Variants in WWOX observed in about 807,000 individuals in gnomAD.
WWOX encodes the protein WW domain-containing oxidoreductase.
A neutral mutation model predicts 46.2 loss-of-function variants in WWOX; 69 were observed. The ratio of observed to expected loss-of-function variants is 1.49; its 90% CI spans 1.23 to 1.82. The LOEUF is 1.82. Among genes scored for constraint, WWOX ranks in the 40% most tolerant of loss-of-function variants. The pLI is 0.00. For missense variants in WWOX, 919 were observed against 542.6 expected (o/e 1.69, Z -6.89); for synonymous variants, 359 against 202.6 (o/e 1.77, Z -6.56).
intron 5 of WWOX, chr16:78,167,546 C>T (rs1170213938): frequency 6.6e-6 from 1 of 152,172 alleles, no homozygotes; most frequent in African/African-American, 2.4e-5. Context: ...ATACACGTGG[C>T]TCCAGATGTT....
intron 5 of WWOX, among the ~76,000 whole-genome samples, chr16:78,289,555 G>T (rs897076926): frequency 1.3e-5 from 2 of 152,178 alleles, no homozygotes; most frequent in Non-Finnish European, 2.9e-5. Flanking sequence ...CCAACAATCG[G>T]TTCCGCTGTC....
rs762504187 is a variant in WWOX, at chr16:78,288,180, TA to T, written c.517-98677del. Among the ~76,000 whole-genome samples the T allele has an allele frequency of 4.6e-5, 7 of 152,182 alleles. No homozygotes were observed. The South Asian group carries it at 8.3e-4, about 18-fold the overall frequency. ...TTTAAATGAAAAACGGAAACACTTT[TA>T]AATTTTTATTTAATATGGCCGGTGA... On this transcript the variant is annotated intron_variant, in intron 5 of 8. Transcript: ENST00000566780.
intron 8 of WWOX, among the ~76,000 whole-genome samples, chr16:79,034,751 C>G (rs775582469): frequency 6.6e-6 from 1 of 151,992 alleles, no homozygotes; most frequent in African/African-American, 2.4e-5. Flanking sequence ...CTGCCGTGCT[C>G]AAAGCACTTG....
intron 8 of WWOX, among the ~76,000 whole-genome samples, chr16:78,964,111 T>G (rs2046322385): frequency 6.6e-6 from 1 of 152,158 alleles, no homozygotes; most frequent in African/African-American, 2.4e-5. Flanking sequence ...AGTGTGAAAA[T>G]GGACTAATAC....
At chr16:78,648,133 A>C (rs1354737938) in intron 8 of WWOX, among the ~76,000 whole-genome samples, 2 of 152,242 alleles carry the variant, frequency 1.3e-5, no homozygotes, top group Non-Finnish European at 2.9e-5. Flanking sequence ...TTATGTTGAA[A>C]GGTGACTGAA....
intron 8 of WWOX, chr16:78,526,615 G>C (rs923066011): frequency 6.6e-6 from 1 of 152,230 alleles, no homozygotes; most frequent in African/African-American, 2.4e-5. Context: ...TCTTGTCCTA[G>C]AGCGGGTTGG....
intron 8 of WWOX, among the ~76,000 whole-genome samples, chr16:79,088,674 G>T (rs1406082038): frequency 6.6e-6 from 1 of 152,140 alleles, no homozygotes; most frequent in Non-Finnish European, 1.5e-5. Context: ...GGCTCCTTCT[G>T]TGGGTACATC....
intron 5 of WWOX, among the ~76,000 whole-genome samples, chr16:78,263,172 G>A (rs1354077284): frequency 6.6e-6 from 1 of 152,186 alleles, no homozygotes; most frequent in Non-Finnish European, 1.5e-5. Context: ...CCCAGGAGAT[G>A]GAGGTTGCAG....
At chr16:78,321,129 A>G (rs1196254932) in intron 5 of WWOX, among the ~76,000 whole-genome samples, 1 of 151,992 alleles carries the variant, frequency 6.6e-6, no homozygotes, top group African/African-American at 2.4e-5. Flanking sequence ...AGTTGGGTAC[A>G]TAAAATTTCT....
At chr16:78,692,311 T>A (rs979372006) in intron 8 of WWOX, among the ~76,000 whole-genome samples, 1 of 152,218 alleles carries the variant, frequency 6.6e-6, no homozygotes, top group Non-Finnish European at 1.5e-5. Context: ...TTTTGAACAT[T>A]TGAAAGGTTT....
chr16:79,180,756 T>C (rs1365926663), intron 8 of WWOX, among the ~76,000 whole-genome samples: 1 of 151,970 alleles, frequency 6.6e-6, no homozygotes, highest in African/African-American at 2.4e-5. Context: ...TATTCATCTA[T>C]CCATCCATCC....
intron 8 of WWOX, among the ~76,000 whole-genome samples, chr16:78,854,033 C>T (rs1182205910): frequency 6.6e-6 from 1 of 152,160 alleles, no homozygotes; most frequent in Non-Finnish European, 1.5e-5. Context: ...GTACCACCAC[C>T]TGAAGATAAC....
At chr16:78,550,696 G>A (rs2044152753) in intron 8 of WWOX, 1 of 152,172 alleles carries the variant, frequency 6.6e-6, no homozygotes, top group African/African-American at 2.4e-5. Context: ...CCTGGGCTGT[G>A]CTGGGGATGG....
chr16:78,530,385 T>A (rs976550843), intron 8 of WWOX, among the ~76,000 whole-genome samples: 1 of 152,182 alleles, frequency 6.6e-6, no homozygotes, highest in African/African-American at 2.4e-5. Flanking sequence ...ATTTTATTGC[T>A]GATGAAAGTG....
At chr16:78,262,931 C>G (rs1226683514) in intron 5 of WWOX, among the ~76,000 whole-genome samples, 1 of 152,180 alleles carries the variant, frequency 6.6e-6, no homozygotes, top group Non-Finnish European at 1.5e-5. Flanking sequence ...GAAACACTAT[C>G]AAACAACAAG....
At chr16:78,923,950 C>G (rs1446621827) in intron 8 of WWOX, among the ~76,000 whole-genome samples, 2 of 151,912 alleles carry the variant, frequency 1.3e-5, no homozygotes, top group Non-Finnish European at 1.5e-5. Context: ...CAGGTGCCCG[C>G]CACCACGCCT....
intron 8 of WWOX, among the ~76,000 whole-genome samples, chr16:79,025,815 T>TTTTTTTTTTA (rs2047628442): frequency 1.4e-4 from 20 of 147,170 alleles, no homozygotes; most frequent in Non-Finnish European, 1.8e-4. Context: ...TTTTTTTTTT[T>TTTTTTTTTTA]GAGACGGAGT....
At chr16:79,162,544 G>T (rs1408142659) in intron 8 of WWOX, among the ~76,000 whole-genome samples, 1 of 152,126 alleles carries the variant, frequency 6.6e-6, no homozygotes, top group Admixed American at 6.5e-5. Flanking sequence ...GTTACCTCTA[G>T]CCCTGAAGAC....
At chr16:78,838,697 G>C (rs1426221828) in intron 8 of WWOX, among the ~76,000 whole-genome samples, 3 of 152,108 alleles carry the variant, frequency 2.0e-5, no homozygotes, top group Non-Finnish European at 2.9e-5. Flanking sequence ...CAAAAAGTTA[G>C]CCGGGCGTGG....
Sources: allele counts gnomAD v4.1 joint callset (sites outside exome capture counted in the v4.1 genomes callset), GRCh38; gene constraint gnomAD v4.1.1; transcripts MANE v1.5; gene names NCBI Gene and HGNC (gene_info 2026-07-23, HGNC 2026-07-21).